Variants in CDC16 observed in about 807,000 individuals in gnomAD.
CDC16 encodes cell division cycle protein 16 homolog.
A neutral mutation model predicts 87.0 loss-of-function variants in CDC16; 34 were observed. The observed-to-expected ratio is 0.39, with a 90% CI of 0.30 to 0.52. The LOEUF (loss-of-function observed/expected upper bound fraction) is 0.52, where lower values mean the gene tolerates loss of function less well. CDC16 is among the 20% of genes least tolerant of loss of function. The pLI is 0.74. For synonymous variants in CDC16, 263 were observed against 260.6 expected (o/e 1.01, Z -0.09); for missense variants, 653 against 751.9 (o/e 0.87, Z 1.54).
intron 6 of CDC16, 107 bp from the exon 7 acceptor site, chr13:114,243,144 TTTTGAG>T: frequency 1.6e-6 from 1 of 622,970 alleles, no homozygotes; most frequent in Admixed American, 2.6e-5. Context: ...TTATGTTCTC[TTTTGAG>T]TTTGATTTAC....
At chr13:114,270,269 G>A (rs1449077359) in intron 17 of CDC16, among the ~76,000 whole-genome samples, 2 of 152,002 alleles carry the variant, frequency 1.3e-5, no homozygotes, top group East Asian at 1.9e-4. Context: ...TGACATATCC[G>A]GAACAGGAGG....
chr13:114,272,371 A>G lies in CDC16; in HGVS notation c.1791A>G (p.Glu597=). 6.2e-7 allele frequency: 1 copy of G among 1,614,080 alleles called. No homozygotes were observed. The highest frequency in any genetic ancestry group is 8.5e-7 in the Non-Finnish European group (1 of 1,179,898). ...CTCCAGATTCCAGACCTTCCTTGGAAGAAACCTTTGAAATTGAAATGAATG... is the reference window on the plus strand; with the variant it reads ...CTCCAGATTCCAGACCTTCCTTGGAGGAAACCTTTGAAATTGAAATGAATG... ...RKTPDSRPSL[E]ETFEIEMNES... Residue 597 remains glutamate (E), a synonymous_variant, in exon 18 of 18, where the codon GAA becomes GAG. Coordinates refer to ENST00000356221, the MANE Select transcript of CDC16 (RefSeq NM_001078645.3).
At chr13:114,266,698 C>CTT (rs879303491) in intron 17 of CDC16, among the ~76,000 whole-genome samples, 5 of 146,436 alleles carry the variant, frequency 3.4e-5, no homozygotes, top group African/African-American at 1.0e-4. Context: ...ATTACTGAAT[C>CTT]TTTTTTTTTT....
At position 114,265,206 on chromosome 13, in the gene CDC16, C is replaced by T. The variant is rs974423091; in HGVS notation, c.1569C>T (p.Ile523=). 12 of 1,610,436 alleles carry T rather than the reference C, an allele frequency of 7.5e-6. No homozygotes were observed. Among genetic ancestry groups the T allele is most frequent in the Admixed American group, 3.3e-5 (2 of 59,988 alleles). Residue 523 remains isoleucine, a synonymous_variant, in exon 17 of 18, where the codon ATC becomes ATT. Coordinates refer to ENST00000356221, the MANE Select transcript of CDC16 (RefSeq NM_001078645.3). ...CTGTTACAATGCTTGGTCATTGCAT[C>T]GAAATGTACATTGGTGATTCTGAAG... ...TFSVTMLGHC[I]EMYIGDSEAY... is the part of the protein sequence containing the mutation.
At chr13:114,246,154 T>C (rs2081859461) in intron 10 of CDC16, 105 bp downstream of exon 10, 2 of 560,094 alleles carry the variant, frequency 3.6e-6, no homozygotes, top group Admixed American at 3.9e-5. Flanking sequence ...CAAATGATGT[T>C]TTATTAAAGT....
At chr13:114,267,989 C>G (rs2083350199) in intron 17 of CDC16, among the ~76,000 whole-genome samples, 1 of 152,218 alleles carries the variant, frequency 6.6e-6, no homozygotes, top group Non-Finnish European at 1.5e-5. Flanking sequence ...GAAAAAAACT[C>G]AGGTCCCTCA....
chr13:114,243,191 AGTT>A, intron 6 of CDC16, 63 bp from the exon 7 acceptor site: 1 of 770,988 alleles, frequency 1.3e-6, no homozygotes, highest in Non-Finnish European at 2.3e-6. Context: ...TCATATTTTT[AGTT>A]GTTGGCTTTT....
At chr13:114,240,211 CT>C (rs60218043) in intron 5 of CDC16, among the ~76,000 whole-genome samples, 17 of 148,910 alleles carry the variant, frequency 1.1e-4, no homozygotes, top group African/African-American at 9.8e-5. Context: ...CTTCCCACAT[CT>C]TTTTTTTTTA....
intron 17 of CDC16, among the ~76,000 whole-genome samples, chr13:114,265,501 T>C (rs1435776890): frequency 1.3e-5 from 2 of 152,254 alleles, no homozygotes; most frequent in Admixed American, 1.3e-4. Flanking sequence ...TAAAGCACTT[T>C]GTTATAGAAG....
chr13:114,261,775 G>T, intron 14 of CDC16, 112 bp from the exon 15 acceptor site: 2 of 643,406 alleles, frequency 3.1e-6, no homozygotes, highest in South Asian at 2.3e-5. Flanking sequence ...GTGTGCTGGC[G>T]GCACACACTG....
At chr13:114,248,851 A>G (rs2138970455) in intron 11 of CDC16, among the ~76,000 whole-genome samples, 1 of 152,090 alleles carries the variant, frequency 6.6e-6, no homozygotes, top group African/African-American at 2.4e-5. Context: ...GATGATTAGT[A>G]TTGTAAAAGT....
chr13:114,243,477 C>T (rs917222571), intron 7 of CDC16, 129 bp downstream of exon 7: 32 of 530,336 alleles, frequency 6.0e-5, no homozygotes, highest in East Asian at 9.2e-5. Flanking sequence ...AAGAATAGAG[C>T]GTTTAAGATA....
chr13:114,250,886 G>A (rs575370978), intron 12 of CDC16, among the ~76,000 whole-genome samples: 1 of 152,270 alleles, frequency 6.6e-6, no homozygotes, highest in East Asian at 1.9e-4. Flanking sequence ...ATTCCAACCA[G>A]TGCAAGAAGC....
chr13:114,271,993 C>CT (rs1410032788), intron 17 of CDC16, among the ~76,000 whole-genome samples, 191 bp from the exon 18 acceptor site: 2 of 152,128 alleles, frequency 1.3e-5, no homozygotes, highest in African/African-American at 4.8e-5. Flanking sequence ...TCAACTTGTG[C>CT]TCTTAAAAGT....
intron 5 of CDC16, among the ~76,000 whole-genome samples, chr13:114,240,775 C>G (rs2081507526): frequency 6.6e-6 from 1 of 151,508 alleles, no homozygotes; most frequent in Admixed American, 6.6e-5. Flanking sequence ...TTTTTCTGGC[C>G]ACTCATTAAT....
chr13:114,269,285 C>G (rs951330555), intron 17 of CDC16, among the ~76,000 whole-genome samples: 4 of 152,074 alleles, frequency 2.6e-5, no homozygotes, highest in African/African-American at 9.7e-5. Flanking sequence ...AACCACAGTT[C>G]AGGACCTCTT....
At chr13:114,254,737 C>G (rs1367939404) in intron 12 of CDC16, among the ~76,000 whole-genome samples, 1 of 152,164 alleles carries the variant, frequency 6.6e-6, no homozygotes, top group Non-Finnish European at 1.5e-5. Flanking sequence ...AAGACCCTCC[C>G]CAACCATCTA....
intron 17 of CDC16, 51 bp from the exon 18 acceptor site, chr13:114,272,133 G>T: frequency 9.6e-7 from 1 of 1,039,978 alleles, no homozygotes; most frequent in Non-Finnish European, 1.4e-6. Flanking sequence ...CAATAGAAAT[G>T]ATAAGTGATG....
At chr13:114,235,265 G>A (rs1457919375) in intron 1 of CDC16, 133 bp downstream of exon 1, 2 of 566,414 alleles carry the variant, frequency 3.5e-6, no homozygotes, top group Non-Finnish European at 5.3e-6. Flanking sequence ...TTCATCTGGG[G>A]CCAGCAGCGC....
Sources: allele counts gnomAD v4.1 joint callset (sites outside exome capture counted in the v4.1 genomes callset), GRCh38; gene constraint gnomAD v4.1.1; transcripts MANE v1.5; gene names NCBI Gene and HGNC (gene_info 2026-07-23, HGNC 2026-07-21).